SUPT3H: variants seen among roughly 807,000 people sequenced by gnomAD.
The protein encoded by SUPT3H is transcription initiation protein SPT3 homolog.
A neutral mutation model predicts 44.3 loss-of-function variants in SUPT3H; 44 were observed. The ratio of observed to expected loss-of-function variants is 0.99; its 90% CI spans 0.78 to 1.28. The LOEUF (loss-of-function observed/expected upper bound fraction) is 1.28, where lower values mean the gene tolerates loss of function less well. Ranked by LOEUF, SUPT3H falls within the 50% of genes most tolerant of loss-of-function variation. The probability of loss-of-function intolerance (pLI) is 0.00; values close to 1 mark genes in which losing one functional copy is unlikely to be tolerated. For synonymous variants in SUPT3H, 124 were observed against 125.6 expected (o/e 0.99, Z 0.09); for missense variants, 380 against 387.1 (o/e 0.98, Z 0.15).
intron 2 of SUPT3H, among the ~76,000 whole-genome samples, chr6:45,111,514 T>C (rs1453065007): frequency 6.6e-6 from 1 of 151,032 alleles, no homozygotes; most frequent in African/African-American, 2.4e-5. Context: ...GGTCATGGCA[T>C]ACATTCCCCC....
chr6:45,348,512 C>CAAAAAAA (rs754208599), intron 2 of SUPT3H, among the ~76,000 whole-genome samples: 13 of 110,358 alleles, frequency 1.2e-4, no homozygotes, highest in African/African-American at 4.0e-4. Flanking sequence ...ACTAAAAATA[C>CAAAAAAA]AAAAAAAAAA....
chr6:45,206,067 T>A (rs1330818813), intron 2 of SUPT3H, among the ~76,000 whole-genome samples: 13 of 152,198 alleles, frequency 8.5e-5, no homozygotes, highest in Non-Finnish European at 1.2e-4. Context: ...TAGCTATGTA[T>A]CTATGCAGTA....
At chr6:44,853,992 A>G (rs927029952) in intron 10 of SUPT3H, among the ~76,000 whole-genome samples, 7 of 151,630 alleles carry the variant, frequency 4.6e-5, no homozygotes, top group Non-Finnish European at 7.4e-5. Context: ...AAAAAAAAAA[A>G]GTCAAAGTGG....
chr6:45,015,541 C>T (rs960208967), intron 4 of SUPT3H, among the ~76,000 whole-genome samples: 3 of 151,950 alleles, frequency 2.0e-5, no homozygotes, highest in Admixed American at 6.6e-5. Flanking sequence ...ACTTAGGCTA[C>T]ACTACATTTA....
At chr6:44,911,463 T>G (rs1343731698) in intron 10 of SUPT3H, among the ~76,000 whole-genome samples, 5 of 152,220 alleles carry the variant, frequency 3.3e-5, no homozygotes. Flanking sequence ...TAAAAAATAC[T>G]TCTGGAATTT....
intron 2 of SUPT3H, among the ~76,000 whole-genome samples, chr6:45,132,550 C>G (rs1223982532): frequency 6.6e-6 from 1 of 152,130 alleles, no homozygotes; most frequent in African/African-American, 2.4e-5. Context: ...ATATTAAATT[C>G]TCTTACAGTG....
At chr6:45,046,915 A>G (rs974132499) in intron 3 of SUPT3H, among the ~76,000 whole-genome samples, 5 of 152,168 alleles carry the variant, frequency 3.3e-5, no homozygotes, top group Middle Eastern at 3.2e-3. Flanking sequence ...GCAATGTTTT[A>G]TAATTTTTTG....
At chr6:45,189,819 C>T (rs1398713157) in intron 2 of SUPT3H, among the ~76,000 whole-genome samples, 3 of 152,126 alleles carry the variant, frequency 2.0e-5, no homozygotes, top group Admixed American at 6.5e-5. Context: ...AATAACCCCA[C>T]GTTCCTTGAT....
intron 10 of SUPT3H, among the ~76,000 whole-genome samples, chr6:44,842,859 T>C (rs1771205228): frequency 6.6e-6 from 1 of 152,034 alleles, no homozygotes; most frequent in Non-Finnish European, 1.5e-5. Context: ...ATAATAAATG[T>C]TAATGATGTC....
At chr6:45,297,786 C>T (rs148101395) in intron 2 of SUPT3H, among the ~76,000 whole-genome samples, 1 of 152,134 alleles carries the variant, frequency 6.6e-6, no homozygotes, top group Non-Finnish European at 1.5e-5. Context: ...CAGCCTATCA[C>T]CCAGAGAAAA....
intron 2 of SUPT3H, among the ~76,000 whole-genome samples, chr6:45,236,216 G>A (rs1411763211): frequency 1.3e-5 from 2 of 152,068 alleles, no homozygotes; most frequent in African/African-American, 2.4e-5. Context: ...GGGTCTCCAC[G>A]ACTGAGCTGG....
At chr6:45,100,651 T>A (rs2072072142) in intron 3 of SUPT3H, among the ~76,000 whole-genome samples, 1 of 144,196 alleles carries the variant, frequency 6.9e-6, no homozygotes, top group Non-Finnish European at 1.5e-5. Context: ...AATGAAATAA[T>A]CACCTCACCC....
At chr6:45,135,017 C>T (rs1804053966) in intron 2 of SUPT3H, among the ~76,000 whole-genome samples, 1 of 152,170 alleles carries the variant, frequency 6.6e-6, no homozygotes, top group Non-Finnish European at 1.5e-5. Context: ...TGTGCACCTG[C>T]AGAATTAGCA....
At chr6:45,018,536 A>C (rs1340840965) in intron 4 of SUPT3H, among the ~76,000 whole-genome samples, 2 of 152,098 alleles carry the variant, frequency 1.3e-5, no homozygotes, top group African/African-American at 4.8e-5. Context: ...TACCTAATTT[A>C]TTGAGCGTTT....
At chr6:45,099,991 G>C (rs146182800) in intron 3 of SUPT3H, among the ~76,000 whole-genome samples, 326 of 152,174 alleles carry the variant, frequency 2.1e-3, no homozygotes, top group Non-Finnish European at 3.8e-3. Context: ...TCCCGAGAAT[G>C]GTGAGTCTTT....
intron 6 of SUPT3H, among the ~76,000 whole-genome samples, chr6:44,975,595 G>A (rs1778215188): frequency 6.6e-6 from 1 of 152,036 alleles, no homozygotes; most frequent in African/African-American, 2.4e-5. Flanking sequence ...GGTGGGAGGG[G>A]GTGAGGGATA....
chr6:44,952,728 G>A (rs1275225770), intron 9 of SUPT3H, among the ~76,000 whole-genome samples: 1 of 152,176 alleles, frequency 6.6e-6, no homozygotes, highest in African/African-American at 2.4e-5. Context: ...TATACTAAAA[G>A]TGGTGCACAG....
intron 2 of SUPT3H, among the ~76,000 whole-genome samples, chr6:45,308,793 G>A: frequency 6.8e-6 from 1 of 147,134 alleles, no homozygotes; most frequent in African/African-American, 2.5e-5. Context: ...TGAAAATTCT[G>A]AATTAAAAAA....
At chr6:44,967,339 A>T (rs1776910402) in intron 6 of SUPT3H, among the ~76,000 whole-genome samples, 1 of 152,188 alleles carries the variant, frequency 6.6e-6, no homozygotes, top group South Asian at 2.1e-4. Context: ...TGCTAGATGA[A>T]CTCACTTTCT....
Sources: allele counts gnomAD v4.1 joint callset (sites outside exome capture counted in the v4.1 genomes callset), GRCh38; gene constraint gnomAD v4.1.1; transcripts MANE v1.5; gene names NCBI Gene and HGNC (gene_info 2026-07-23, HGNC 2026-07-21).